Variants in DPYD observed in about 807,000 individuals in gnomAD.
DPYD encodes dihydropyrimidine dehydrogenase [NADP(+)].
Under a neutral mutation model 116.2 loss-of-function variants are expected in DPYD, and 109 were observed. The observed-to-expected ratio is 0.94, with a 90% CI of 0.80 to 1.10. The LOEUF (loss-of-function observed/expected upper bound fraction) is 1.10, where lower values mean the gene tolerates loss of function less well. Ranked by LOEUF, DPYD falls within the 50% of genes least tolerant of loss-of-function variation. DPYD has a pLI of 0.00. For missense variants in DPYD, 1,302 were observed against 1,254.5 expected (o/e 1.04, Z -0.57); for synonymous variants, 440 against 432.0 (o/e 1.02, Z -0.23).
In DPYD at chr1:97,814,374, G is replaced by T. The variant is rs377360957; in HGVS notation, c.233+13740C>A. 4.6e-5 allele frequency among the ~76,000 whole-genome samples: 7 copies of T among 152,142 alleles called. No homozygotes were observed. In the East Asian group the frequency reaches 1.3e-3, roughly 29 times the overall value. ...AAGTAAAATAGCAAGCCTTTGGAGAGAAAGGTCACAATTTGGTTCATCCTG... is the reference window on the plus strand; with the variant it reads ...AAGTAAAATAGCAAGCCTTTGGAGATAAAGGTCACAATTTGGTTCATCCTG... On this transcript the variant is annotated intron_variant, in intron 3 of 22. Transcript: ENST00000370192.
At chr1:97,745,183 T>C (rs1196756052) in intron 3 of DPYD, among the ~76,000 whole-genome samples, 1 of 152,114 alleles carries the variant, frequency 6.6e-6, no homozygotes, top group Admixed American at 6.6e-5. Context: ...TTGAATATTC[T>C]TAAATATGCA....
At chr1:97,094,335 T>C (rs1650090189) in intron 21 of DPYD, among the ~76,000 whole-genome samples, 1 of 152,040 alleles carries the variant, frequency 6.6e-6, no homozygotes, top group African/African-American at 2.4e-5. Flanking sequence ...AGTTGGAGAA[T>C]GGATTAGATA....
At chr1:97,167,187 A>G (rs1656388485) in intron 20 of DPYD, among the ~76,000 whole-genome samples, 3 of 152,148 alleles carry the variant, frequency 2.0e-5, no homozygotes, top group Middle Eastern at 3.2e-3. Context: ...ATTTTTCAAA[A>G]GTTTTAGTGT....
intron 18 of DPYD, among the ~76,000 whole-genome samples, chr1:97,279,161 C>T (rs1475608689): frequency 6.6e-6 from 1 of 152,084 alleles, no homozygotes; most frequent in Non-Finnish European, 1.5e-5. Context: ...TCTGATATTA[C>T]AATTTCCAAG....
At chr1:97,463,006 CA>C (rs1406047710) in intron 13 of DPYD, among the ~76,000 whole-genome samples, 1 of 152,178 alleles carries the variant, frequency 6.6e-6, no homozygotes, top group Non-Finnish European at 1.5e-5. Context: ...TAAACTCTTT[CA>C]ACCAACTTCC....
intron 3 of DPYD, among the ~76,000 whole-genome samples, chr1:97,800,329 CTCTT>C (rs1667784439): frequency 6.6e-6 from 1 of 151,820 alleles, no homozygotes; most frequent in Non-Finnish European, 1.5e-5. Context: ...CTTCAAATAA[CTCTT>C]TATAAAGAGC....
intron 16 of DPYD, among the ~76,000 whole-genome samples, chr1:97,319,175 G>C (rs912663622): frequency 2.9e-4 from 41 of 143,372 alleles, no homozygotes; most frequent in African/African-American, 1.1e-3. Flanking sequence ...AAAAGAACTA[G>C]AAAAGCAAGA....
chr1:97,911,706 C>T (rs999184677), intron 1 of DPYD, among the ~76,000 whole-genome samples: 1 of 151,982 alleles, frequency 6.6e-6, no homozygotes, highest in Non-Finnish European at 1.5e-5. Context: ...ATCTGGTCTG[C>T]CAGAGTGGTT....
intron 14 of DPYD, chr1:97,419,871 C>T (rs1294013711): frequency 6.6e-6 from 1 of 152,154 alleles, no homozygotes; most frequent in East Asian, 1.9e-4. Context: ...AAAGAATGTA[C>T]AAATTTATAA....
chr1:97,845,021 A>C (rs1670222160), intron 2 of DPYD, among the ~76,000 whole-genome samples: 1 of 152,176 alleles, frequency 6.6e-6, no homozygotes, highest in African/African-American at 2.4e-5. Context: ...GATGAACAAC[A>C]GTGGAAAGCA....
intron 3 of DPYD, among the ~76,000 whole-genome samples, chr1:97,786,005 C>T (rs1381311857): frequency 6.6e-6 from 1 of 150,922 alleles, no homozygotes; most frequent in Non-Finnish European, 1.5e-5. Flanking sequence ...GCCACTGACT[C>T]TTGACTGCAA....
intron 18 of DPYD, among the ~76,000 whole-genome samples, chr1:97,299,902 T>C (rs1479301121): frequency 6.6e-6 from 1 of 152,074 alleles, no homozygotes; most frequent in East Asian, 1.9e-4. Flanking sequence ...AAAGGCAACA[T>C]AATGAAAGAG....
At chr1:97,830,811 T>A (rs1178644921) in intron 2 of DPYD, among the ~76,000 whole-genome samples, 1 of 151,970 alleles carries the variant, frequency 6.6e-6, no homozygotes, top group African/African-American at 2.4e-5. Flanking sequence ...ATGCCAGGAA[T>A]TGAAGACAGC....
chr1:97,691,880 C>A, intron 6 of DPYD, 82 bp from the exon 7 acceptor site: 1 of 1,062,750 alleles, frequency 9.4e-7, no homozygotes, highest in Non-Finnish European at 1.5e-6. Flanking sequence ...GGTAACATGT[C>A]TTTATGGATT....
intron 18 of DPYD, among the ~76,000 whole-genome samples, chr1:97,267,100 G>A (rs1221750349): frequency 1.3e-5 from 2 of 152,124 alleles, no homozygotes; most frequent in Non-Finnish European, 2.9e-5. Context: ...TTGAGGAATT[G>A]CCACACTGTC....
intron 20 of DPYD, among the ~76,000 whole-genome samples, chr1:97,154,881 C>T (rs1655325391): frequency 6.6e-6 from 1 of 152,038 alleles, no homozygotes; most frequent in African/African-American, 2.4e-5. Flanking sequence ...AACCAAACAC[C>T]ACCTGTCCTC....
At chr1:97,323,848 A>C (rs895003996) in intron 16 of DPYD, among the ~76,000 whole-genome samples, 3 of 151,616 alleles carry the variant, frequency 2.0e-5, no homozygotes, top group African/African-American at 4.8e-5. Flanking sequence ...CAGGAAATTT[A>C]AATCATATGA....
chr1:97,470,060 G>C (rs966288325), intron 13 of DPYD, among the ~76,000 whole-genome samples: 11 of 152,152 alleles, frequency 7.2e-5, no homozygotes, highest in Non-Finnish European at 1.3e-4. Context: ...GGAATTAGGA[G>C]GTGCTCCAAT....
chr1:97,720,492 T>C (rs1662861454), intron 5 of DPYD: 4 of 995,498 alleles, frequency 4.0e-6, no homozygotes, highest in South Asian at 9.2e-5. Flanking sequence ...CCAGAATTTA[T>C]TGCAACAATC....
Sources: gnomAD v4.1 joint callset for allele counts (sites outside exome capture counted in the v4.1 genomes callset) on GRCh38, gnomAD v4.1.1 for gene constraint, MANE v1.5 for transcripts, NCBI Gene and HGNC (gene_info 2026-07-23, HGNC 2026-07-21) for gene names.